Variants in NUMB observed in about 807,000 individuals in gnomAD.
The protein encoded by NUMB is NUMB endocytic adaptor protein, also known as protein numb homolog.
NUMB carries 29 observed loss-of-function variants against 59.7 expected under a neutral mutation model. The observed-to-expected ratio is 0.49, with a 90% confidence interval of 0.36 to 0.66. The LOEUF is 0.66. Among genes scored for constraint, NUMB ranks in the 30% least tolerant of loss-of-function variants. The pLI is 0.00. For missense variants in NUMB, 723 were observed against 822.0 expected (o/e 0.88, Z 1.47); for synonymous variants, 288 against 288.2 (o/e 1.00, Z 0.01).
chr14:73,356,854 C>G (rs78734896), intron 3 of NUMB: 3,740 of 156,586 alleles, frequency 0.024, 156 homozygotes, highest in African/African-American at 0.084. Flanking sequence ...GCCACCACAC[C>G]TGGCTTTTTT....
intron 1 of NUMB, among the ~76,000 whole-genome samples, chr14:73,416,347 T>C (rs1291888971): frequency 6.6e-6 from 1 of 151,334 alleles, no homozygotes; most frequent in Non-Finnish European, 1.5e-5. Flanking sequence ...TTTTTTTTTT[T>C]ACTAGAATCA....
At chr14:73,419,253 G>A (rs1457649852) in intron 1 of NUMB, among the ~76,000 whole-genome samples, 1 of 152,226 alleles carries the variant, frequency 6.6e-6, no homozygotes, top group Non-Finnish European at 1.5e-5. Context: ...GCTCACGCCT[G>A]TAATCCCAGC....
intron 1 of NUMB, among the ~76,000 whole-genome samples, chr14:73,446,404 G>A (rs554078667): frequency 6.7e-4 from 102 of 151,952 alleles, no homozygotes; most frequent in African/African-American, 2.2e-3. Flanking sequence ...TCAGGAGTTC[G>A]AGACCAGCCT....
chr14:73,347,429 T>C (rs1892975062), intron 4 of NUMB, among the ~76,000 whole-genome samples: 1 of 152,102 alleles, frequency 6.6e-6, no homozygotes, highest in South Asian at 2.1e-4. Context: ...AGTTTCCTTA[T>C]GCCCCATGTA....
chr14:73,330,460 C>T (rs1891902675), intron 4 of NUMB, among the ~76,000 whole-genome samples: 1 of 151,978 alleles, frequency 6.6e-6, no homozygotes, highest in Non-Finnish European at 1.5e-5. Context: ...TAAGTAGAAG[C>T]AAAAAATGGT....
Position 73,275,640 on chromosome 14 carries a change from T to G in NUMB, c.*938A>C, listed in dbSNP as rs1307564638. 2.6e-5 allele frequency: 4 copies of G among 152,234 alleles called. No homozygotes were observed. Among genetic ancestry groups the G allele is most frequent in the South Asian group, 4.1e-4 (2 of 4,832 alleles). 9.4% of individuals were successfully genotyped at this position (152,234 alleles called of 1,614,324 possible). A position where few individuals can be genotyped will look rare whatever the true frequency, so the allele number is the denominator to read the frequency against. ...TCTCTATAGAGCATATTTCGATTGA[T>G]TCCATTAAAATAATGACATTAGAAT... On this transcript the variant is annotated 3_prime_UTR_variant, in exon 13 of 13. Transcript: ENST00000555238.
rs1888196293 is a variant in NUMB, at chr14:73,276,870, C to A, written c.1664G>T (p.Ser555Ile). Residue 555 changes from serine to isoleucine, a missense_variant, in exon 13 of 13, where the codon AGC (serine) becomes ATC (isoleucine). This residue lies in a region of NUMB where 406 missense variants were observed against 385.4 expected (regional missense o/e 1.05). Coordinates refer to ENST00000555238, the MANE Select transcript of NUMB (RefSeq NM_001005743.2). Reference protein sequence around the residue: ...PQAAHPHQSPSLVRQQTFPHY... With the variant: ...PQAAHPHQSPILVRQQTFPHY... ...AGGGAATGTCTGCTGCCTGACCAGG[C>A]TGGGTGACTGATGGGGATGGGCAGC... The A allele has an allele frequency of 3.1e-6, 5 of 1,613,950 alleles. No individual in the cohort carries two copies. The highest frequency in any genetic ancestry group is 4.2e-6 in the Non-Finnish European group (5 of 1,179,964).
chr14:73,357,999 G>A (rs534140168), intron 3 of NUMB, among the ~76,000 whole-genome samples: 1 of 151,566 alleles, frequency 6.6e-6, no homozygotes, highest in South Asian at 2.1e-4. Flanking sequence ...TACCTACTCG[G>A]CCAAGCCAGA....
At chr14:73,355,574 T>G in intron 4 of NUMB, 52 bp downstream of exon 4, 1 of 1,541,616 alleles carries the variant, frequency 6.5e-7, no homozygotes, top group Non-Finnish European at 8.8e-7. Flanking sequence ...TCACATACAC[T>G]AGATTGTCAG....
intron 1 of NUMB, among the ~76,000 whole-genome samples, chr14:73,414,383 T>A (rs1485821204): frequency 6.6e-6 from 1 of 152,140 alleles, no homozygotes; most frequent in Non-Finnish European, 1.5e-5. Flanking sequence ...CCATCTACTT[T>A]CAGATAATGT....
chr14:73,452,942 G>C (rs1377862221), intron 1 of NUMB, among the ~76,000 whole-genome samples: 3 of 152,136 alleles, frequency 2.0e-5, no homozygotes, highest in Non-Finnish European at 4.4e-5. Flanking sequence ...GTTGCAAATA[G>C]AATCATCCTC....
intron 1 of NUMB, among the ~76,000 whole-genome samples, chr14:73,456,824 A>C (rs74061131): frequency 0.053 from 8,070 of 152,224 alleles, 691 homozygotes; most frequent in African/African-American, 0.18. Flanking sequence ...GATAAATATA[A>C]ATTATTGGGC....
chr14:73,308,407 T>C (rs557495991), intron 6 of NUMB, among the ~76,000 whole-genome samples: 28 of 152,192 alleles, frequency 1.8e-4, no homozygotes, highest in African/African-American at 6.7e-4. Flanking sequence ...AAGTGTGAGG[T>C]GACTAGCAGA....
chr14:73,332,408 C>T (rs990281476), intron 4 of NUMB, among the ~76,000 whole-genome samples: 1 of 151,956 alleles, frequency 6.6e-6, no homozygotes, highest in Non-Finnish European at 1.5e-5. Context: ...CGTACGCCAC[C>T]ACACCCAGCT....
chr14:73,320,253 T>A (rs976196047), intron 5 of NUMB, among the ~76,000 whole-genome samples: 2 of 152,218 alleles, frequency 1.3e-5, no homozygotes, highest in East Asian at 3.8e-4. Context: ...AAACTACATA[T>A]AACATTTGCT....
At chr14:73,340,869 C>T (rs879872455) in intron 4 of NUMB, among the ~76,000 whole-genome samples, 2 of 152,136 alleles carry the variant, frequency 1.3e-5, no homozygotes, top group Non-Finnish European at 2.9e-5. Context: ...CGGGAGGAAC[C>T]TGATGGGAGG....
At chr14:73,317,727 T>C (rs10220341) in intron 5 of NUMB, among the ~76,000 whole-genome samples, 37,683 of 152,158 alleles carry the variant, frequency 0.25, 5,519 homozygotes, top group East Asian at 0.68. Context: ...GCACCATTTA[T>C]GAAAACTGGC....
intron 2 of NUMB, among the ~76,000 whole-genome samples, chr14:73,386,740 C>T (rs1895545753): frequency 1.3e-5 from 2 of 152,008 alleles, no homozygotes; most frequent in African/African-American, 4.8e-5. Flanking sequence ...TCTTAAAAAC[C>T]CTCGGTATCC....
chr14:73,412,656 G>A (rs1896950290), intron 1 of NUMB, among the ~76,000 whole-genome samples: 1 of 149,746 alleles, frequency 6.7e-6, no homozygotes, highest in Admixed American at 6.6e-5. Context: ...AAAAAGAGAT[G>A]GGGTGTCTTG....
Sources: gnomAD v4.1 joint callset for allele counts (sites outside exome capture counted in the v4.1 genomes callset) on GRCh38, gnomAD v4.1.1 for gene constraint, gnomAD v4.1.1 regional missense constraint, MANE v1.5 for transcripts, NCBI Gene and HGNC (gene_info 2026-07-23, HGNC 2026-07-21) for gene names.